ZMAT4: variants seen among roughly 807,000 people sequenced by gnomAD.
ZMAT4 encodes zinc finger matrin-type 4.
A neutral mutation model predicts 28.7 loss-of-function variants in ZMAT4; 17 were observed. The observed-to-expected ratio is 0.59, with a 90% confidence interval of 0.41 to 0.89. The LOEUF is 0.89. Ranked by LOEUF, ZMAT4 falls within the 40% of genes least tolerant of loss-of-function variation. ZMAT4 has a pLI of 0.00. For missense variants in ZMAT4, 240 were observed against 283.8 expected (o/e 0.85, Z 1.11); for synonymous variants, 117 against 109.2 (o/e 1.07, Z -0.44).
At chr8:40,770,664 C>T (rs1487504567) in intron 2 of ZMAT4, among the ~76,000 whole-genome samples, 1 of 151,912 alleles carries the variant, frequency 6.6e-6, no homozygotes, top group East Asian at 1.9e-4. Flanking sequence ...TATCCTGCCT[C>T]AGCCTCCCCA....
intron 2 of ZMAT4, among the ~76,000 whole-genome samples, chr8:40,779,263 G>T (rs897365152): frequency 2.6e-5 from 4 of 152,166 alleles, no homozygotes; most frequent in East Asian, 1.9e-4. Flanking sequence ...CACCATGATT[G>T]CGAGGCCTCC....
intron 2 of ZMAT4, among the ~76,000 whole-genome samples, chr8:40,794,907 G>A (rs990715006): frequency 3.3e-5 from 5 of 152,122 alleles, no homozygotes; most frequent in Non-Finnish European, 7.4e-5. Flanking sequence ...TTGGGCAAAA[G>A]TGGCAAATGG....
At chr8:40,865,609 C>T (rs936518781) in intron 1 of ZMAT4, among the ~76,000 whole-genome samples, 4 of 152,228 alleles carry the variant, frequency 2.6e-5, no homozygotes, top group Non-Finnish European at 4.4e-5. Flanking sequence ...AATACACGGT[C>T]TGCTCTCCCC....
chr8:40,756,312 GC>G (rs1229924306), intron 3 of ZMAT4, among the ~76,000 whole-genome samples: 1 of 151,488 alleles, frequency 6.6e-6, no homozygotes, highest in East Asian at 1.9e-4. Flanking sequence ...GGTGCTGGCA[GC>G]CCCGGGCAGT....
intron 3 of ZMAT4, among the ~76,000 whole-genome samples, chr8:40,710,400 GA>G (rs1286866387): frequency 1.3e-5 from 2 of 152,172 alleles, no homozygotes; most frequent in African/African-American, 4.8e-5. Context: ...AGAGTGAGCA[GA>G]TGGCATACAG....
intron 1 of ZMAT4, among the ~76,000 whole-genome samples, chr8:40,830,640 T>C (rs1238432007): frequency 1.3e-5 from 2 of 152,216 alleles, no homozygotes; most frequent in East Asian, 1.9e-4. Flanking sequence ...GCAATGAACA[T>C]GTAAGTGCAG....
chr8:40,768,681 CA>C (rs1186816704), intron 2 of ZMAT4, among the ~76,000 whole-genome samples: 2 of 150,376 alleles, frequency 1.3e-5, no homozygotes, highest in Admixed American at 6.6e-5. Flanking sequence ...ATGAATACCA[CA>C]ACATTTGCTA....
At chr8:40,758,929 C>T (rs1812806061) in intron 3 of ZMAT4, among the ~76,000 whole-genome samples, 1 of 152,148 alleles carries the variant, frequency 6.6e-6, no homozygotes, top group Non-Finnish European at 1.5e-5. Flanking sequence ...AGAAAAGAAA[C>T]ATGCATAACG....
intron 1 of ZMAT4, among the ~76,000 whole-genome samples, chr8:40,895,090 C>A (rs1477273689): frequency 6.6e-6 from 1 of 152,044 alleles, no homozygotes; most frequent in Non-Finnish European, 1.5e-5. Flanking sequence ...CTTTTATTTG[C>A]CAGGTAACTC....
At chr8:40,700,314 G>T (rs992836460) in intron 3 of ZMAT4, among the ~76,000 whole-genome samples, 1 of 151,174 alleles carries the variant, frequency 6.6e-6, no homozygotes, top group African/African-American at 2.4e-5. Context: ...TAAAGGAAAT[G>T]CTGGAATGCC....
chr8:40,852,285 C>G (rs984315089), intron 1 of ZMAT4, among the ~76,000 whole-genome samples: 1 of 152,152 alleles, frequency 6.6e-6, no homozygotes, highest in African/African-American at 2.4e-5. Flanking sequence ...TTTTGTTGAG[C>G]TTCCTGCAAC....
intron 3 of ZMAT4, among the ~76,000 whole-genome samples, chr8:40,704,738 T>C (rs4534122): frequency 0.045 from 6,913 of 152,282 alleles, 295 homozygotes; most frequent in East Asian, 0.24. Context: ...CCATTTCTAA[T>C]TTGGTCACTT....
intron 3 of ZMAT4, among the ~76,000 whole-genome samples, chr8:40,767,439 C>T (rs1179318661): frequency 2.0e-5 from 3 of 152,110 alleles, no homozygotes; most frequent in Non-Finnish European, 4.4e-5. Flanking sequence ...TCAAAAACTC[C>T]TCCAATACTA....
rs551706852 is a variant in ZMAT4 at position 40,726,822 on chromosome 8, C to T, written c.193-29421G>A. On this transcript the variant is annotated intron_variant, in intron 3 of 6. Transcript: ENST00000297737. ...AGTCTAAAATACTTACTTTCTGGCT[C>T]TTCACAGAAGAACTTTGCCAACTCT... Among the ~76,000 whole-genome samples the T allele has an allele frequency of 2.0e-5, 3 of 152,336 alleles. No homozygotes were observed. The East Asian group carries it at 5.8e-4, about 29-fold the overall frequency.
chr8:40,803,181 C>T (rs1814926466), intron 2 of ZMAT4, among the ~76,000 whole-genome samples: 1 of 152,034 alleles, frequency 6.6e-6, no homozygotes, highest in Non-Finnish European at 1.5e-5. Flanking sequence ...TTTTTAGTTG[C>T]AACACTGTAG....
intron 3 of ZMAT4, among the ~76,000 whole-genome samples, chr8:40,701,719 T>C (rs1197542696): frequency 6.6e-6 from 1 of 151,860 alleles, no homozygotes; most frequent in African/African-American, 2.4e-5. Context: ...GGTTTCACCA[T>C]GTTGGCCAAG....
chr8:40,658,431 G>C lies in ZMAT4; in HGVS notation c.577+16273C>G, dbSNP rs531958415. On this transcript the variant is annotated intron_variant, in intron 5 of 6. Transcript: ENST00000297737. ...TAGGTGAAGTCAAACTCCAAATTCTGTTCCCCTGTGATGTGTGTGTGGTAG... is the reference window on the plus strand; with the variant it reads ...TAGGTGAAGTCAAACTCCAAATTCTCTTCCCCTGTGATGTGTGTGTGGTAG... Among the ~76,000 whole-genome samples the C allele has an allele frequency of 7.0e-4, 106 of 152,138 alleles. 1 individual carries two copies. Among genetic ancestry groups the C allele is most frequent in the African/African-American group, 2.1e-3 (89 of 41,500 alleles).
chr8:40,604,847 G>C (rs1236367310), intron 5 of ZMAT4, among the ~76,000 whole-genome samples: 2 of 152,082 alleles, frequency 1.3e-5, no homozygotes, highest in African/African-American at 4.8e-5. Flanking sequence ...GAATCCATCT[G>C]GTCTTGGACA....
intron 1 of ZMAT4, among the ~76,000 whole-genome samples, chr8:40,874,201 C>T (rs192396438): frequency 1.3e-3 from 198 of 152,298 alleles, no homozygotes; most frequent in South Asian, 3.1e-3. Flanking sequence ...CCAGTGAATG[C>T]CTGCTGTGCC....
Sources: allele counts gnomAD v4.1 joint callset (sites outside exome capture counted in the v4.1 genomes callset), GRCh38; gene constraint gnomAD v4.1.1; transcripts MANE v1.5; gene names NCBI Gene and HGNC (gene_info 2026-07-23, HGNC 2026-07-21).